Variants in POU2F1 observed in about 807,000 individuals in gnomAD.
POU2F1 encodes POU domain, class 2, transcription factor 1.
Under a neutral mutation model 84.9 loss-of-function variants are expected in POU2F1, and 16 were observed. The ratio of observed to expected loss-of-function variants is 0.19; its 90% CI spans 0.13 to 0.29. The LOEUF is 0.29. Ranked by LOEUF, POU2F1 falls within the 10% of genes least tolerant of loss-of-function variation. POU2F1 has a pLI of 1.00. For missense variants in POU2F1, 738 were observed against 942.6 expected (o/e 0.78, Z 2.84); for synonymous variants, 368 against 368.3 (o/e 1.00, Z 0.01).
chr1:167,406,682 T>C (rs188756489), intron 13 of POU2F1, among the ~76,000 whole-genome samples: 2 of 152,306 alleles, frequency 1.3e-5, no homozygotes. Flanking sequence ...GAATACAAGA[T>C]TGATATATAA....
chr1:167,249,076 A>G (rs956183853), intron 1 of POU2F1, among the ~76,000 whole-genome samples: 2 of 152,196 alleles, frequency 1.3e-5, no homozygotes, highest in African/African-American at 4.8e-5. Context: ...TTTTCAATTA[A>G]TTCTTCTTAC....
rs143702594 is a variant in POU2F1 at position 167,319,562 on chromosome 1, T to A, written c.62-12908T>A. On this transcript the variant is annotated intron_variant, in intron 1 of 15. Coordinates refer to ENST00000367866, the MANE Select transcript of POU2F1 (RefSeq NM_002697.4). ...ATTACATGGGATACCAGTAATGTGT[T>A]TAATATTCCATAGAGAGAAAAATGT... Among the ~76,000 whole-genome samples, 684 of 152,142 alleles carry A rather than the reference T, an allele frequency of 4.5e-3. 6 individuals are homozygous for A. Among genetic ancestry groups the A allele is most frequent in the African/African-American group, 0.016 (646 of 41,492 alleles).
intron 1 of POU2F1, among the ~76,000 whole-genome samples, chr1:167,269,661 C>A (rs1386362011): frequency 2.0e-5 from 3 of 151,958 alleles, no homozygotes; most frequent in Non-Finnish European, 4.4e-5. Flanking sequence ...GCCTATAATC[C>A]CAGCACTTTG....
intron 2 of POU2F1, among the ~76,000 whole-genome samples, chr1:167,335,417 G>A (rs1284708064): frequency 6.6e-6 from 1 of 152,120 alleles, no homozygotes; most frequent in Non-Finnish European, 1.5e-5. Flanking sequence ...GCAAGAGAGT[G>A]GAGAAAGAAA....
rs188032211 is a variant in POU2F1 at position 167,295,093 on chromosome 1, G to A, written c.62-37377G>A. Among the ~76,000 whole-genome samples the A allele has an allele frequency of 1.9e-3, 284 of 151,788 alleles. 2 individuals are homozygous for A. The highest frequency in any genetic ancestry group is 6.5e-3 in the African/African-American group (270 of 41,336). ...GCCGAGATCACGCCACTGCACTCCA[G>A]CCTCGGTGATAGAGCAAGACTCCAT... On this transcript the variant is annotated intron_variant, in intron 1 of 15. Transcript: ENST00000367866.
rs1650517893 is a variant in POU2F1, at chr1:167,419,551, A to T, written c.*3741A>T. On this transcript the variant is annotated 3_prime_UTR_variant, in exon 16 of 16. Coordinates refer to ENST00000367866, the MANE Select transcript of POU2F1 (RefSeq NM_002697.4). Reference sequence around the variant, plus strand: ...TTTATACCCTGTATACATCTGAATAACAGAGCAGAAAGACCTAAAAAAGGG... The same window carrying T: ...TTTATACCCTGTATACATCTGAATATCAGAGCAGAAAGACCTAAAAAAGGG... 1 of 152,216 alleles carries T rather than the reference A, an allele frequency of 6.6e-6. No individual in the cohort carries two copies. The highest frequency in any genetic ancestry group is 2.4e-5 in the African/African-American group (1 of 41,460). 9.4% of individuals were successfully genotyped at this position (152,216 alleles called of 1,614,324 possible).
chr1:167,322,460 G>C (rs1656386048), intron 1 of POU2F1, among the ~76,000 whole-genome samples: 1 of 152,218 alleles, frequency 6.6e-6, no homozygotes, highest in Non-Finnish European at 1.5e-5. Flanking sequence ...ATTCCTGTTG[G>C]CACTTTTTGT....
At chr1:167,303,319 T>C (rs1482380491) in intron 1 of POU2F1, among the ~76,000 whole-genome samples, 2 of 152,200 alleles carry the variant, frequency 1.3e-5, no homozygotes, top group African/African-American at 4.8e-5. Context: ...GGTGAGGAAA[T>C]AGGTACAAGA....
chr1:167,328,076 A>C (rs1241741064), intron 1 of POU2F1, among the ~76,000 whole-genome samples: 1 of 152,176 alleles, frequency 6.6e-6, no homozygotes, highest in Non-Finnish European at 1.5e-5. Context: ...AGGATTATAT[A>C]TATGTATGTA....
chr1:167,264,868 C>G (rs1275180998), intron 1 of POU2F1, among the ~76,000 whole-genome samples: 1 of 152,178 alleles, frequency 6.6e-6, no homozygotes, highest in African/African-American at 2.4e-5. Context: ...TCCCATTTTA[C>G]TCGGAGTAAA....
intron 1 of POU2F1, among the ~76,000 whole-genome samples, chr1:167,300,372 AAT>A (rs1491377789): frequency 6.6e-6 from 1 of 152,200 alleles, no homozygotes; most frequent in Non-Finnish European, 1.5e-5. Flanking sequence ...AGTATCATGC[AAT>A]ATATCCAGGT....
chr1:167,385,215 T>A (rs1289046256), intron 8 of POU2F1, among the ~76,000 whole-genome samples: 1 of 152,134 alleles, frequency 6.6e-6, no homozygotes, highest in East Asian at 1.9e-4. Context: ...AGTAATATGT[T>A]CATGAATCAG....
At chr1:167,317,756 A>G (rs1341664967) in intron 1 of POU2F1, among the ~76,000 whole-genome samples, 2 of 152,234 alleles carry the variant, frequency 1.3e-5, no homozygotes, top group Non-Finnish European at 2.9e-5. Flanking sequence ...CATCATAGCC[A>G]TCACAAGCAT....
At chr1:167,227,925 G>A (rs1648760152) in intron 1 of POU2F1, among the ~76,000 whole-genome samples, 1 of 152,166 alleles carries the variant, frequency 6.6e-6, no homozygotes, top group African/African-American at 2.4e-5. Flanking sequence ...TTGCTTCACA[G>A]ATGAGGAAAT....
chr1:167,311,032 G>C (rs1655432708), intron 1 of POU2F1, among the ~76,000 whole-genome samples: 1 of 152,150 alleles, frequency 6.6e-6, no homozygotes, highest in Non-Finnish European at 1.5e-5. Context: ...ATGCTGGGAA[G>C]AGAGGAGAAA....
At chr1:167,406,601 T>C (rs988505985) in intron 13 of POU2F1, among the ~76,000 whole-genome samples, 2 of 152,184 alleles carry the variant, frequency 1.3e-5, no homozygotes, top group Admixed American at 1.3e-4. Flanking sequence ...TTATTCTATA[T>C]GTATAAAAAT....
chr1:167,277,880 C>T (rs1411203693), intron 1 of POU2F1, among the ~76,000 whole-genome samples: 1 of 152,156 alleles, frequency 6.6e-6, no homozygotes, highest in Non-Finnish European at 1.5e-5. Context: ...GTCTATTTGA[C>T]ATCCTTTAAT....
intron 1 of POU2F1, among the ~76,000 whole-genome samples, chr1:167,310,668 A>T (rs1191617064): frequency 6.6e-6 from 1 of 152,216 alleles, no homozygotes; most frequent in African/African-American, 2.4e-5. Flanking sequence ...AATTACCACG[A>T]TGACAGAGAT....
At chr1:167,291,942 A>G (rs556980527) in intron 1 of POU2F1, among the ~76,000 whole-genome samples, 5 of 152,058 alleles carry the variant, frequency 3.3e-5, no homozygotes, top group Non-Finnish European at 5.9e-5. Context: ...GTACTGTAGG[A>G]GTGCTGCTGG....
Sources: gnomAD v4.1 joint callset for allele counts (sites outside exome capture counted in the v4.1 genomes callset) on GRCh38, gnomAD v4.1.1 for gene constraint, MANE v1.5 for transcripts, NCBI Gene and HGNC (gene_info 2026-07-23, HGNC 2026-07-21) for gene names.